The following DNAJC4 variants were observed in gnomAD, a reference collection of about 807,000 sequenced individuals.
DNAJC4 encodes the protein DnaJ heat shock protein family (Hsp40) member C4.
A neutral mutation model predicts 26.8 loss-of-function variants in DNAJC4; 26 were observed. The observed-to-expected ratio is 0.97, with a 90% confidence interval of 0.71 to 1.34. DNAJC4 has a LOEUF of 1.34. DNAJC4 is among the 40% of genes most tolerant of loss of function. DNAJC4 has a pLI of 0.00. For missense variants in DNAJC4, 342 were observed against 321.1 expected (o/e 1.07, Z -0.50); for synonymous variants, 134 against 127.8 (o/e 1.05, Z -0.33).
rs1591074476 is a variant in DNAJC4, at chr11:64,231,216, TC to T, written c.86+277del. ...ATCGCTGTATCACTGTGCATAACCC[TC>T]TGTGGGGGGTGGGAGATGGGGAGGT... On this transcript the variant is annotated intron_variant, in intron 1 of 5. Coordinates refer to ENST00000628077, the MANE Select transcript of DNAJC4 (RefSeq NM_005528.4). The T allele has an allele frequency of 1.1e-5, 6 of 569,092 alleles. No homozygotes were observed. In the East Asian group the frequency reaches 2.1e-4, roughly 19 times the overall value. 35.3% of individuals were successfully genotyped at this position (569,092 alleles called of 1,614,324 possible). A position where few individuals can be genotyped will look rare whatever the true frequency, so the allele number is the denominator to read the frequency against.
intron 1 of DNAJC4, chr11:64,231,503 G>A (rs991857846): frequency 4.2e-5 from 9 of 211,820 alleles, no homozygotes; most frequent in Admixed American, 5.3e-5. Flanking sequence ...CACCACGCCC[G>A]GCTAATTTTG....
In DNAJC4 at chr11:64,232,766, C is replaced by T; in HGVS notation, c.428C>T (p.Pro143Leu). 1.2e-6 allele frequency: 2 copies of T among 1,613,312 alleles called. No homozygotes were observed. The highest frequency in any genetic ancestry group is 1.7e-6 in the Non-Finnish European group (2 of 1,179,650). The change falls in exon 4 of 6, where the codon CCC (proline) becomes CTC (leucine). Residue 143 changes from proline (P) to leucine (L), a missense_variant. Transcript: ENST00000628077. ...TTTCACAGCGTGAGGCCACAGGGGC[C>T]CCAGTTGAGGCAGCAGCAACACAAA... ...SQFHSVRPQGPQLRQQQHKQN... is the reference protein window; with the variant it reads ...SQFHSVRPQGLQLRQQQHKQN...
At position 64,230,913 on chromosome 11, in the gene DNAJC4, G is replaced by C. The variant is rs1058137; in HGVS notation, c.59G>C (p.Arg20Pro). ...CRLWPRNPPS[R>P]LLGAAAGQRS... ...CTGTGGCCCCGCAACCCTCCCTCCCGGCTCCTCGGAGCGGCCGCCGGGCAG... is the reference window on the plus strand; with the variant it reads ...CTGTGGCCCCGCAACCCTCCCTCCCCGCTCCTCGGAGCGGCCGCCGGGCAG... Residue 20 changes from arginine (R) to proline (P), a missense_variant, in exon 1 of 6, where the codon CGG becomes CCG. Coordinates refer to ENST00000628077, the MANE Select transcript of DNAJC4 (RefSeq NM_005528.4). 2 of 1,580,868 alleles carry C rather than the reference G, an allele frequency of 1.3e-6. No individual in the cohort carries two copies. The highest frequency in any genetic ancestry group is 1.7e-6 in the Non-Finnish European group (2 of 1,168,616).
rs754195259 is a variant in DNAJC4 at position 64,230,744 on chromosome 11, C to A, written c.-111C>A. 9 of 1,436,074 alleles carry A rather than the reference C, an allele frequency of 6.3e-6. No individual in the cohort carries two copies. Among genetic ancestry groups the A allele is most frequent in the Non-Finnish European group, 8.5e-6 (9 of 1,056,812 alleles). The allele number at this position is 1,436,074 out of a possible 1,614,324, so 89.0% of individuals were successfully genotyped here. On this transcript the variant is annotated 5_prime_UTR_variant, in exon 1 of 6. Transcript: ENST00000628077. ...CCGGGCCTGCTTCAGTCTTCCTTTG[C>A]AGAACAACGGGCCAGGCCCCTTCCC...
Position 64,230,750 on chromosome 11 carries a change from A to G in DNAJC4, c.-105A>G. On this transcript the variant is annotated 5_prime_UTR_variant, in exon 1 of 6. Coordinates refer to ENST00000628077, the MANE Select transcript of DNAJC4 (RefSeq NM_005528.4). Reference sequence around the variant, plus strand: ...CTGCTTCAGTCTTCCTTTGCAGAACAACGGGCCAGGCCCCTTCCCTCTGCC... The same window carrying G: ...CTGCTTCAGTCTTCCTTTGCAGAACGACGGGCCAGGCCCCTTCCCTCTGCC... The G allele has an allele frequency of 6.9e-7, 1 of 1,458,698 alleles. No individual in the cohort carries two copies. The highest frequency in any genetic ancestry group is 9.3e-7 in the Non-Finnish European group (1 of 1,076,328). 90.4% of individuals were successfully genotyped at this position (1,458,698 alleles called of 1,614,324 possible).
At chr11:64,231,767 TGTCAGCTCCTGGTGGCTGAGTTGAA>T in intron 1 of DNAJC4, 79 bp from the exon 2 acceptor site, 1 of 1,019,930 alleles carries the variant, frequency 9.8e-7, no homozygotes, top group South Asian at 1.3e-5. Context: ...GTTTCAGCCC[TGTCAGCTCCTGGTGGCTGAGTTGAA>T]GGGTGTGGCC....
Position 64,230,950 on chromosome 11 carries a change from G to A in DNAJC4, c.86+10G>A. On this transcript the variant is annotated intron_variant, in intron 1 of 5. Transcript: ENST00000628077. ...CGGCCGCCGGGCAGCGGTGAGTTGG[G>A]CGCGGGGGGCCGGCCCGGTTGTTCA... The A allele has an allele frequency of 1.3e-6, 2 of 1,544,114 alleles. No individual in the cohort carries two copies. Among genetic ancestry groups the A allele is most frequent in the Non-Finnish European group, 1.7e-6 (2 of 1,150,090 alleles).
In DNAJC4 at chr11:64,234,188, GC is replaced by G. The variant is rs1040320889; in HGVS notation, c.*5del. On this transcript the variant is annotated 3_prime_UTR_variant, in exon 6 of 6. Transcript: ENST00000628077. The surrounding 1 kb of genome is among the most constrained non-coding windows in gnomAD (Gnocchi z 5.3). ...GCCCCGGGGCGCCGGCCCCTGAGGG[GC>G]TCACCTGGATGGGGCCTGCAGTGCG... is the stretch of plus-strand genomic sequence containing the variant. 1 of 1,552,902 alleles carries G rather than the reference GC, an allele frequency of 6.4e-7. No homozygotes were observed. The highest frequency in any genetic ancestry group is 1.4e-5 in the African/African-American group (1 of 73,838).
intron 4 of DNAJC4, chr11:64,233,191 A>G (rs1947199754): frequency 3.7e-6 from 1 of 270,440 alleles, no homozygotes; most frequent in South Asian, 1.5e-4. Context: ...TCTCCCTGCC[A>G]CTCTCACGCG....
Position 64,230,692 on chromosome 11 carries a change from T to C in DNAJC4, c.-163T>C. 1.1e-6 allele frequency: 1 copy of C among 931,310 alleles called. No homozygotes were observed. Among genetic ancestry groups the C allele is most frequent in the Non-Finnish European group, 1.6e-6 (1 of 612,634 alleles). The allele number at this position is 931,310 out of a possible 1,614,324, so 57.7% of individuals were successfully genotyped here. A position where few individuals can be genotyped will look rare whatever the true frequency, so the allele number is the denominator to read the frequency against. ...GGGCAGGTCCAAGGACACGCGGGTC[T>C]GGTCCTGGGCAAGAACCGCCCCCTC... On this transcript the variant is annotated 5_prime_UTR_variant, in exon 1 of 6. Coordinates refer to ENST00000628077, the MANE Select transcript of DNAJC4 (RefSeq NM_005528.4).
rs140273970 is a variant in DNAJC4, at chr11:64,232,356, G to A, written c.181-74G>A. ...CTCTGGGTATGACTGGAGCCCTGGT[G>A]GGTGGATGTCATCAGCATGGGTCCT... is the stretch of plus-strand genomic sequence containing the variant. On this transcript the variant is annotated intron_variant, in intron 2 of 5. Coordinates refer to ENST00000628077, the MANE Select transcript of DNAJC4 (RefSeq NM_005528.4). 4.0e-6 allele frequency: 6 copies of A among 1,488,054 alleles called. No homozygotes were observed. The African/African-American group carries it at 8.4e-5, about 21-fold the overall frequency. 92.2% of individuals were successfully genotyped at this position (1,488,054 alleles called of 1,614,324 possible).
intron 2 of DNAJC4, 182 bp from the exon 3 acceptor site, chr11:64,232,248 A>G: frequency 1.2e-6 from 1 of 820,246 alleles, no homozygotes; most frequent in Non-Finnish European, 1.9e-6. Flanking sequence ...GAGGGCTTGA[A>G]CACAGGAGGA....
intron 1 of DNAJC4, chr11:64,231,221 G>A: frequency 1.8e-6 from 1 of 560,678 alleles, no homozygotes; most frequent in South Asian, 1.8e-5. Flanking sequence ...AACCCTCTGT[G>A]GGGGGTGGGA....
intron 2 of DNAJC4, 92 bp downstream of exon 2, chr11:64,232,056 GC>G (rs1933619970): frequency 2.2e-6 from 3 of 1,367,712 alleles, no homozygotes; most frequent in Non-Finnish European, 3.1e-6. Context: ...AGCATCTCTG[GC>G]GGGTGCCACA....
Position 64,232,478 on chromosome 11 carries a change from G to T in DNAJC4, c.229G>T (p.Val77Leu), listed in dbSNP as rs1338802797. The T allele has an allele frequency of 3.1e-6, 5 of 1,608,648 alleles. No homozygotes were observed. In the Admixed American group the frequency reaches 6.7e-5, roughly 22 times the overall value. The change falls in exon 3 of 6, where the codon GTG becomes TTG. Residue 77 changes from valine (V) to leucine (L), a missense_variant. Val to Leu is a conservative substitution (Grantham distance 32, BLOSUM62 1). Coordinates refer to ENST00000628077, the MANE Select transcript of DNAJC4 (RefSeq NM_005528.4). ...PGNPSLHSRF[V>L]ELSEAYRVLS... ...GAACCCAAGCCTGCACAGCCGCTTTGTGGAGCTGAGCGAGGCATACCGTGT... is the reference window on the plus strand; with the variant it reads ...GAACCCAAGCCTGCACAGCCGCTTTTTGGAGCTGAGCGAGGCATACCGTGT...
At chr11:64,233,208 G>A (rs1565315021) in intron 4 of DNAJC4, among the ~76,000 whole-genome samples, 3 of 151,936 alleles carry the variant, frequency 2.0e-5, no homozygotes, top group Admixed American at 1.3e-4. Flanking sequence ...CGCGTGCCAC[G>A]GAGCTGATTC....
chr11:64,234,027 C>G lies in DNAJC4; in HGVS notation c.615-46C>G. On this transcript the variant is annotated intron_variant, in intron 5 of 5. Transcript: ENST00000628077. The surrounding 1 kb of genome is among the most constrained non-coding windows in gnomAD (Gnocchi z 5.3). ...CTCCCTGCTCCCTGTCCAGGAACCACACTTCGGGATCCCTATCCCAACCAC... is the reference window on the plus strand; with the variant it reads ...CTCCCTGCTCCCTGTCCAGGAACCAGACTTCGGGATCCCTATCCCAACCAC... The G allele has an allele frequency of 6.2e-7, 1 of 1,613,976 alleles. No individual in the cohort carries two copies. Among genetic ancestry groups the G allele is most frequent in the South Asian group, 1.1e-5 (1 of 91,092 alleles).
intron 2 of DNAJC4, 93 bp from the exon 3 acceptor site, chr11:64,232,337 G>T: frequency 6.9e-7 from 1 of 1,442,602 alleles, no homozygotes; most frequent in Non-Finnish European, 9.2e-7. Context: ...GGGCCTCTGG[G>T]TATGACTGGA....
At position 64,230,650 on chromosome 11, in the gene DNAJC4, G is replaced by A. The variant is rs1947161305; in HGVS notation, c.-205G>A. On this transcript the variant is annotated 5_prime_UTR_variant, in exon 1 of 6. It removes an upstream start codon present in the reference 5' UTR. Transcript: ENST00000628077. ...GCCAGCGCTGGGAAGGGCTGCGGAT[G>A]CCCGGGTCAGAGGAAGGGGCAGGTC... The A allele has an allele frequency of 1.4e-6, 1 of 698,056 alleles. No individual in the cohort carries two copies. 43.2% of individuals were successfully genotyped at this position (698,056 alleles called of 1,614,324 possible).
Sources: gnomAD v4.1 joint callset for allele counts (sites outside exome capture counted in the v4.1 genomes callset) on GRCh38, gnomAD v4.1.1 for gene constraint, Gnocchi (gnomAD v3.1) non-coding constraint, MANE v1.5 for transcripts, NCBI Gene and HGNC (gene_info 2026-07-23, HGNC 2026-07-21) for gene names.